The following HIVEP3 variants were observed in gnomAD, a reference collection of about 807,000 sequenced individuals.
HIVEP3 encodes HIVEP zinc finger 3.
In HIVEP3, 49 loss-of-function variants were observed where a neutral mutation model predicts 152.8. That is an observed-to-expected ratio of 0.32 (90% CI 0.26 to 0.41). HIVEP3 has a LOEUF of 0.41. HIVEP3 is among the 10% of genes least tolerant of loss of function. HIVEP3 has a pLI of 1.00. For synonymous variants in HIVEP3, 1,269 were observed against 1,289.0 expected (o/e 0.98, Z 0.33); for missense variants, 2,790 against 3,103.3 (o/e 0.90, Z 2.40).
intron 1 of HIVEP3, among the ~76,000 whole-genome samples, chr1:41,978,762 G>A (rs897379571): frequency 6.6e-6 from 1 of 152,216 alleles, no homozygotes; most frequent in Non-Finnish European, 1.5e-5. Flanking sequence ...CCATGGAGGA[G>A]GAGAAGCATG....
At chr1:41,999,737 G>C (rs1034703043) in intron 1 of HIVEP3, among the ~76,000 whole-genome samples, 2 of 152,168 alleles carry the variant, frequency 1.3e-5, no homozygotes, top group African/African-American at 4.8e-5. Context: ...AAGTCAAAGG[G>C]AACAGCATTT....
chr1:41,576,368 C>T (rs1644327610), intron 4 of HIVEP3, among the ~76,000 whole-genome samples: 1 of 152,202 alleles, frequency 6.6e-6, no homozygotes, highest in Non-Finnish European at 1.5e-5. Flanking sequence ...TTTACAGAGC[C>T]ACACCTCAGT....
chr1:41,952,133 C>T (rs529515739), intron 1 of HIVEP3, among the ~76,000 whole-genome samples: 9 of 152,296 alleles, frequency 5.9e-5, no homozygotes, highest in South Asian at 4.2e-4. Flanking sequence ...CTCTCTAGCT[C>T]ATCTGTCTTC....
chr1:41,907,486 T>C (rs1644732723), intron 1 of HIVEP3, among the ~76,000 whole-genome samples: 1 of 151,266 alleles, frequency 6.6e-6, no homozygotes, highest in Non-Finnish European at 1.5e-5. Context: ...CATATGAAGG[T>C]TCACTTCTCG....
At chr1:41,743,255 G>A (rs1647023256) in intron 1 of HIVEP3, among the ~76,000 whole-genome samples, 1 of 152,150 alleles carries the variant, frequency 6.6e-6, no homozygotes, top group Non-Finnish European at 1.5e-5. Context: ...CACCCCTAGT[G>A]AGAACTCCTG....
intron 1 of HIVEP3, among the ~76,000 whole-genome samples, chr1:41,796,172 G>A (rs1353014846): frequency 1.3e-5 from 2 of 152,168 alleles, no homozygotes; most frequent in Non-Finnish European, 2.9e-5. Flanking sequence ...GAGTTCATTC[G>A]AGCCTTTCTA....
chr1:41,854,613 C>T (rs1323677558), intron 1 of HIVEP3, among the ~76,000 whole-genome samples: 7 of 119,034 alleles, frequency 5.9e-5, no homozygotes, highest in East Asian at 2.2e-4. Flanking sequence ...CATGCTGGTG[C>T]GCTGCACCCA....
chr1:41,512,788 G>C, intron 8 of HIVEP3, 28 bp downstream of exon 8: 1 of 1,456,882 alleles, frequency 6.9e-7, no homozygotes, highest in Non-Finnish European at 9.1e-7. Flanking sequence ...GGGGAGAAGC[G>C]GCCCAGCCAC....
chr1:41,889,713 A>G (rs1244789586), intron 1 of HIVEP3, among the ~76,000 whole-genome samples: 4 of 152,150 alleles, frequency 2.6e-5, no homozygotes, highest in Non-Finnish European at 4.4e-5. Flanking sequence ...GAATGAGGGC[A>G]CCCATTGTCC....
chr1:41,577,634 A>T (rs1240191029), intron 4 of HIVEP3, among the ~76,000 whole-genome samples: 1 of 152,240 alleles, frequency 6.6e-6, no homozygotes. Flanking sequence ...ACCTGCATGA[A>T]GATGGTTTGG....
intron 2 of HIVEP3, among the ~76,000 whole-genome samples, chr1:41,671,247 A>G (rs1645871311): frequency 6.6e-6 from 1 of 152,246 alleles, no homozygotes; most frequent in Non-Finnish European, 1.5e-5. Context: ...CTCGACAGGG[A>G]GGCAGGGGCT....
chr1:41,819,520 T>C (rs1392072891), intron 1 of HIVEP3, among the ~76,000 whole-genome samples: 3 of 152,228 alleles, frequency 2.0e-5, no homozygotes, highest in Non-Finnish European at 2.9e-5. Flanking sequence ...TTTACAGCTA[T>C]ACATTTCCTC....
intron 2 of HIVEP3, among the ~76,000 whole-genome samples, chr1:41,680,770 G>T (rs754928116): frequency 6.6e-6 from 1 of 152,328 alleles, no homozygotes; most frequent in Middle Eastern, 3.4e-3. Flanking sequence ...CTACAACAAC[G>T]TATTGTACAC....
At chr1:42,000,159 T>C (rs1419276124) in intron 1 of HIVEP3, among the ~76,000 whole-genome samples, 1 of 152,260 alleles carries the variant, frequency 6.6e-6, no homozygotes, top group Non-Finnish European at 1.5e-5. Context: ...TTGTATCCAC[T>C]TCTCTTTGCA....
chr1:41,701,948 A>G lies in HIVEP3; in HGVS notation c.-800-953T>C, dbSNP rs143770380. On this transcript the variant is annotated intron_variant, in intron 1 of 8. Coordinates refer to ENST00000372583, the MANE Select transcript of HIVEP3 (RefSeq NM_024503.5). The stretch of plus-strand genomic sequence containing the variant: ...CTCAAAGATTAGGGATCCTGGTTCA[A>G]GAAGGAGCTCCAGCTCTGCAGTGAG... 6.1e-3 allele frequency among the ~76,000 whole-genome samples: 936 copies of G among 152,300 alleles called. 13 individuals carry two copies. The highest frequency in any genetic ancestry group is 0.022 in the African/African-American group (901 of 41,562).
intron 2 of HIVEP3, among the ~76,000 whole-genome samples, chr1:41,663,301 A>G (rs539303644): frequency 1.8e-4 from 27 of 152,196 alleles, no homozygotes; most frequent in Non-Finnish European, 2.8e-4. Flanking sequence ...GGAGGAGACA[A>G]TGGAGCTGGG....
chr1:42,006,921 T>C (rs1415900590), intron 1 of HIVEP3, among the ~76,000 whole-genome samples: 1 of 152,152 alleles, frequency 6.6e-6, no homozygotes, highest in Non-Finnish European at 1.5e-5. Context: ...AAACTGAGAC[T>C]GAGAGAGAGG....
intron 1 of HIVEP3, among the ~76,000 whole-genome samples, chr1:41,843,810 G>A (rs755293935): frequency 3.9e-5 from 6 of 151,996 alleles, no homozygotes; most frequent in Non-Finnish European, 5.9e-5. Context: ...CAATGTGCAG[G>A]TTAGTTACAT....
chr1:41,893,739 C>T (rs1047976474), intron 1 of HIVEP3, among the ~76,000 whole-genome samples: 4 of 147,422 alleles, frequency 2.7e-5, no homozygotes, highest in African/African-American at 9.9e-5. Context: ...TATAGATATA[C>T]ATATATATTT....
Sources: allele counts gnomAD v4.1 joint callset (sites outside exome capture counted in the v4.1 genomes callset), GRCh38; gene constraint gnomAD v4.1.1; transcripts MANE v1.5; gene names NCBI Gene and HGNC (gene_info 2026-07-23, HGNC 2026-07-21).